The following POLD2 variants were observed in gnomAD, a reference collection of about 807,000 sequenced individuals.
The protein encoded by POLD2 is DNA polymerase delta 2, accessory subunit.
A neutral mutation model predicts 48.8 loss-of-function variants in POLD2; 31 were observed. The observed-to-expected ratio is 0.64, with a 90% CI of 0.48 to 0.86. POLD2 has a LOEUF of 0.86. POLD2 is among the 40% of genes least tolerant of loss of function. The pLI is 0.00. For missense variants in POLD2, 455 were observed against 610.1 expected (o/e 0.75, Z 2.68); for synonymous variants, 233 against 256.3 (o/e 0.91, Z 0.87).
At chr7:44,123,705 G>C (rs2096251590), upstream of POLD2, 14 of 1,350,672 alleles carry the variant, frequency 1.0e-5, no homozygotes, top group Non-Finnish European at 1.3e-5. Context: ...AGAACGCGGA[G>C]CCACACCCTC....
At position 44,115,479 on chromosome 7, in the gene POLD2, C is replaced by G; in HGVS notation, c.1148-83G>C. 3.2e-6 allele frequency: 3 copies of G among 942,548 alleles called. No individual in the cohort carries two copies. The South Asian group carries it at 3.9e-5, about 12-fold the overall frequency. The allele number at this position is 942,548 out of a possible 1,614,324, so 58.4% of individuals were successfully genotyped here. ...AGGATGTGGGGCTGCAGCCCCTCCTCCCATTGCAGGCCAGTAGGAGACCCC... is the reference window on the plus strand; with the variant it reads ...AGGATGTGGGGCTGCAGCCCCTCCTGCCATTGCAGGCCAGTAGGAGACCCC... On this transcript the variant is annotated intron_variant, in intron 9 of 10. Coordinates refer to ENST00000610533, the MANE Select transcript of POLD2 (RefSeq NM_006230.4).
At chr7:44,123,670 T>A (rs950854415), upstream of POLD2, 8 of 1,375,062 alleles carry the variant, frequency 5.8e-6, no homozygotes, top group Non-Finnish European at 6.5e-6. Flanking sequence ...CCGACCACTG[T>A]GCGCCCAGTC....
chr7:44,115,907 C>A lies in POLD2; in HGVS notation c.1020-14G>T, dbSNP rs757523251. ...GTCCCCAAAAATCTGCAAGGCAAAG[C>A]TCAGCTGACTCTTGGCTTTGGGTGC... On this transcript the variant is annotated splice_polypyrimidine_tract_variant and intron_variant, in intron 8 of 10. Coordinates refer to ENST00000610533, the MANE Select transcript of POLD2 (RefSeq NM_006230.4). 1.9e-6 allele frequency: 3 copies of A among 1,614,200 alleles called. No homozygotes were observed. The South Asian group carries it at 3.3e-5, about 18-fold the overall frequency.
intron 1 of POLD2, 32 bp from the exon 2 acceptor site, chr7:44,122,141 CT>C: frequency 2.6e-6 from 4 of 1,522,510 alleles, no homozygotes; most frequent in Non-Finnish European, 3.5e-6. Context: ...CCTGCTGCCC[CT>C]GTCCATCCCC....
rs752673360 is a variant in POLD2 at position 44,117,269 on chromosome 7, C to G, written c.467-22G>C. 1.9e-6 allele frequency: 3 copies of G among 1,576,430 alleles called. No individual in the cohort carries two copies. The South Asian group carries it at 3.3e-5, about 18-fold the overall frequency. On this transcript the variant is annotated intron_variant, in intron 4 of 10. Transcript: ENST00000610533. The stretch of plus-strand genomic sequence containing the variant: ...GTCCCTGGGGAGCAGTGGCATCAGG[C>G]CTGAGCAGGGAGCCCCAGGTGCTAC...
At position 44,117,191 on chromosome 7, in the gene POLD2, C is replaced by T. The variant is rs752886279; in HGVS notation, c.523G>A (p.Asp175Asn). Residue 175 changes from aspartate to asparagine, a missense_variant, in exon 5 of 11, where the codon GAC becomes AAC. This residue lies in a region of POLD2 where 349 missense variants were observed against 437.4 expected (regional missense o/e 0.80). Coordinates refer to ENST00000610533, the MANE Select transcript of POLD2 (RefSeq NM_006230.4). ...GGAGCAAGGTCAGCAAAGCAATAGTCCTCCACCAGAAACTTCCCGTCGTCT... is the reference window on the plus strand; with the variant it reads ...GGAGCAAGGTCAGCAAAGCAATAGTTCTCCACCAGAAACTTCCCGTCGTCT... ...VRDDGKFLVE[D>N]YCFADLAPQK... 2 of 1,613,968 alleles carry T rather than the reference C, an allele frequency of 1.2e-6. No individual in the cohort carries two copies. The highest frequency in any genetic ancestry group is 1.7e-5 in the Admixed American group (1 of 59,986).
chr7:44,118,369 G>A (rs2096243609), intron 2 of POLD2: 1 of 248,632 alleles, frequency 4.0e-6, no homozygotes, highest in Non-Finnish European at 7.8e-6. Flanking sequence ...GCGGCCACAA[G>A]CCCAGGAACA....
Position 44,116,310 on chromosome 7 carries a change from G to A in POLD2, c.862-38C>T, listed in dbSNP as rs56264316. ...GGGCAGGGAGAGCTCACAGGGCCCC[G>A]AAGGAGCCCCCTACACCAACTCCGG... On this transcript the variant is annotated intron_variant, in intron 7 of 10. Transcript: ENST00000610533. This position sits in a 1 kb window ranked among gnomAD's most constrained non-coding sequence, Gnocchi z 6.1. The A allele has an allele frequency of 3.4e-5, 55 of 1,595,772 alleles. 1 individual carries two copies. The East Asian group carries it at 7.4e-4, about 21-fold the overall frequency.
Position 44,117,213 on chromosome 7 carries a change from G to A in POLD2, c.501C>T (p.Asp167=), listed in dbSNP as rs772704615. 3.4e-5 allele frequency: 55 copies of A among 1,613,818 alleles called. 1 individual carries two copies. The highest frequency in any genetic ancestry group is 4.5e-5 in the East Asian group (2 of 44,884). The change falls in exon 5 of 11, where the codon GAC becomes GAT. Residue 167 remains aspartate (D), a synonymous_variant. Transcript: ENST00000610533. ...AGTCCTCCACCAGAAACTTCCCGTC[G>A]TCTCTCACGGAGCCAAACACAGCCA... ...TVLAVFGSVR[D]DGKFLVEDYC...
chr7:44,119,926 A>G (rs758242776), intron 2 of POLD2, among the ~76,000 whole-genome samples: 2 of 152,212 alleles, frequency 1.3e-5, no homozygotes, highest in African/African-American at 4.8e-5. Context: ...CTCAAAGAAT[A>G]TAACACTTCA....
chr7:44,122,729 C>G (rs182368344), intron 1 of POLD2, among the ~76,000 whole-genome samples: 38 of 152,302 alleles, frequency 2.5e-4, no homozygotes, highest in Admixed American at 2.3e-3. Context: ...CCTCTGAACT[C>G]TTGCTTGCCC....
At chr7:44,117,308 C>A in intron 4 of POLD2, 61 bp from the exon 5 acceptor site, 2 of 1,259,178 alleles carry the variant, frequency 1.6e-6, no homozygotes, top group South Asian at 2.5e-5. Flanking sequence ...TCCTTCCAGT[C>A]ACCCCAACGG....
At chr7:44,119,425 GCAGA>G (rs2096245302) in intron 2 of POLD2, among the ~76,000 whole-genome samples, 1 of 152,164 alleles carries the variant, frequency 6.6e-6, no homozygotes, top group African/African-American at 2.4e-5. Flanking sequence ...GCCCTAGGGA[GCAGA>G]CAGAGGCGAG....
At position 44,117,934 on chromosome 7, in the gene POLD2, C is replaced by T. The variant is rs1562695234; in HGVS notation, c.342+9G>A. On this transcript the variant is annotated intron_variant, in intron 3 of 10. Transcript: ENST00000610533. ...CCTGGCGGCCCCACTGTGTAGCACC[C>T]TGCCTCACCTCCTCGCTGACCTCCC... 2 of 1,613,532 alleles carry T rather than the reference C, an allele frequency of 1.2e-6. No homozygotes were observed. The highest frequency in any genetic ancestry group is 1.7e-6 in the Non-Finnish European group (2 of 1,179,758).
At chr7:44,119,204 C>CT (rs1337951728) in intron 2 of POLD2, among the ~76,000 whole-genome samples, 11 of 152,232 alleles carry the variant, frequency 7.2e-5, no homozygotes, top group Admixed American at 2.0e-4. Flanking sequence ...ATGGGAGGGG[C>CT]TTGGCACTCT....
chr7:44,118,247 G>C, intron 2 of POLD2, 183 bp from the exon 3 acceptor site: 1 of 613,686 alleles, frequency 1.6e-6, no homozygotes, highest in Non-Finnish European at 2.8e-6. Context: ...TCAGCCACAG[G>C]AGACCAGGGA....
chr7:44,123,461 G>A (rs1213052626), intron 1 of POLD2, 50 bp downstream of exon 1: 4 of 1,494,964 alleles, frequency 2.7e-6, no homozygotes, highest in Admixed American at 2.1e-5. Flanking sequence ...CGGCCTCGCG[G>A]CCTGGAACTG....
At position 44,115,955 on chromosome 7, in the gene POLD2, G is replaced by T. The variant is rs543421993; in HGVS notation, c.1020-62C>A. On this transcript the variant is annotated intron_variant, in intron 8 of 10. Transcript: ENST00000610533. ...TGCCACCCATAGTGGTCAGCCCAGA[G>T]CTCATCTGGCGCTCTTGTGGGGATG... 25 of 1,611,414 alleles carry T rather than the reference G, an allele frequency of 1.6e-5. No individual in the cohort carries two copies. The East Asian group carries it at 5.1e-4, about 33-fold the overall frequency.
At chr7:44,117,382 G>A in intron 4 of POLD2, 135 bp from the exon 5 acceptor site, 1 of 739,294 alleles carries the variant, frequency 1.4e-6, no homozygotes, top group Non-Finnish European at 2.3e-6. Context: ...CAGGATGCAT[G>A]CCTGCTTCCT....
Sources: allele counts gnomAD v4.1 joint callset (sites outside exome capture counted in the v4.1 genomes callset), GRCh38; gene constraint gnomAD v4.1.1; regional missense constraint gnomAD v4.1.1; non-coding constraint Gnocchi (gnomAD v3.1); transcripts MANE v1.5; gene names NCBI Gene and HGNC (gene_info 2026-07-23, HGNC 2026-07-21).